Variants in MCUR1 observed in about 807,000 individuals in gnomAD.
MCUR1 encodes the protein MCU regulator 1.
Under a neutral mutation model 42.0 loss-of-function variants are expected in MCUR1, and 37 were observed. The observed-to-expected ratio is 0.88, with a 90% CI of 0.68 to 1.16. The LOEUF (loss-of-function observed/expected upper bound fraction) is 1.16, where lower values mean the gene tolerates loss of function less well. Among genes scored for constraint, MCUR1 ranks in the 50% most tolerant of loss-of-function variants. MCUR1 has a pLI of 0.00. For synonymous variants in MCUR1, 229 were observed against 196.2 expected (o/e 1.17, Z -1.40); for missense variants, 469 against 468.4 (o/e 1.00, Z -0.01).
At chr6:13,803,187 G>C (rs1760030758) in intron 2 of MCUR1, among the ~76,000 whole-genome samples, 2 of 152,094 alleles carry the variant, frequency 1.3e-5, no homozygotes, top group South Asian at 4.1e-4. Flanking sequence ...TCAGACTCCG[G>C]AGTAGCTGGA....
chr6:13,813,522 T>C (rs1177889387), intron 1 of MCUR1, among the ~76,000 whole-genome samples: 2 of 152,182 alleles, frequency 1.3e-5, no homozygotes, highest in African/African-American at 4.8e-5. Context: ...CTGATATATC[T>C]CACACATCTA....
chr6:13,808,102 T>C (rs1395906308), intron 1 of MCUR1, among the ~76,000 whole-genome samples: 1 of 152,044 alleles, frequency 6.6e-6, no homozygotes, highest in Non-Finnish European at 1.5e-5. Context: ...ATCCTGGGGG[T>C]AGGTTTCTGA....
intron 1 of MCUR1, among the ~76,000 whole-genome samples, chr6:13,809,480 C>T (rs1191026498): frequency 6.6e-6 from 1 of 152,082 alleles, no homozygotes; most frequent in Admixed American, 6.5e-5. Flanking sequence ...AGTTTTTGTG[C>T]ATTTAGCCAC....
chr6:13,792,518 C>G (rs1164193334), intron 7 of MCUR1, among the ~76,000 whole-genome samples: 3 of 152,188 alleles, frequency 2.0e-5, no homozygotes, highest in Non-Finnish European at 4.4e-5. Context: ...TTTCTTCTTT[C>G]ATGTTCAAAT....
chr6:13,793,321 T>A (rs66520959), intron 7 of MCUR1, among the ~76,000 whole-genome samples: 24,348 of 151,996 alleles, frequency 0.16, 2,343 homozygotes, highest in East Asian at 0.36. Flanking sequence ...TGTGCACCCA[T>A]GCCCACAGCA....
At position 13,790,751 on chromosome 6, in the gene MCUR1, C is replaced by G. The variant is rs1164017518; in HGVS notation, c.*58G>C. On this transcript the variant is annotated 3_prime_UTR_variant, in exon 9 of 9. Transcript: ENST00000379170. ...TACAGGTGTGAGCCACCGCACCCAG[C>G]CAACAATCTGGTATTCTTAAGGCAA... 7.0e-7 allele frequency: 1 copy of G among 1,419,734 alleles called. No individual in the cohort carries two copies. The highest frequency in any genetic ancestry group is 1.4e-5 in the African/African-American group (1 of 70,166). The allele number at this position is 1,419,734 out of a possible 1,614,324, so 87.9% of individuals were successfully genotyped here.
At chr6:13,798,295 C>T (rs1041526084) in intron 6 of MCUR1, among the ~76,000 whole-genome samples, 5 of 151,924 alleles carry the variant, frequency 3.3e-5, no homozygotes, top group South Asian at 2.1e-4. Context: ...CAGGGTTTCA[C>T]CATGTTGGGC....
intron 2 of MCUR1, among the ~76,000 whole-genome samples, chr6:13,805,185 TCTCA>T (rs956225854): frequency 5.3e-5 from 8 of 151,100 alleles, no homozygotes; most frequent in African/African-American, 1.7e-4. Flanking sequence ...AGAGTCAGGC[TCTCA>T]CTATGTTGCA....
intron 5 of MCUR1, 131 bp downstream of exon 5, chr6:13,800,210 T>C (rs1419265628): frequency 4.8e-6 from 3 of 620,190 alleles, no homozygotes; most frequent in Non-Finnish European, 8.4e-6. Context: ...TTCCAATGTG[T>C]ACTTTTGAGG....
chr6:13,803,709 A>C (rs1226181056), intron 2 of MCUR1: 20 of 972,690 alleles, frequency 2.1e-5, no homozygotes, highest in African/African-American at 3.5e-5. Flanking sequence ...GTCTAGAAAA[A>C]AAATACAAAA....
intron 2 of MCUR1, among the ~76,000 whole-genome samples, chr6:13,803,307 C>T (rs1271404518): frequency 2.0e-5 from 3 of 152,218 alleles, no homozygotes; most frequent in East Asian, 1.9e-4. Context: ...GTGATCTGCC[C>T]GCCTTGGCCT....
chr6:13,814,313 G>A lies in MCUR1; in HGVS notation c.117C>T (p.Arg39=), dbSNP rs892522567. ...CGTCGGAGAGCGCAGAGAGGCAGCG[G>A]CGTGCTGAGGTTTCGCTGCCGCCCG... The part of the protein sequence containing the change: ...GRPGGSETSA[R]RCLSALSDGL... The change falls in exon 1 of 9, where the codon CGC becomes CGT. Residue 39 remains arginine, a synonymous_variant. Transcript: ENST00000379170. 6.6e-7 allele frequency: 1 copy of A among 1,505,480 alleles called. No homozygotes were observed. The highest frequency in any genetic ancestry group is 1.4e-5 in the African/African-American group (1 of 69,374). 93.3% of individuals were successfully genotyped at this position (1,505,480 alleles called of 1,614,324 possible).
chr6:13,814,502 C>G lies in MCUR1; in HGVS notation c.-73G>C. On this transcript the variant is annotated 5_prime_UTR_variant, in exon 1 of 9. Transcript: ENST00000379170. Reference sequence around the variant, plus strand: ...TGGCGCCGGCCACGCGCGGTCCAGGCCCAGAGTCCGACAGCGGGAGCGAGC... The same window carrying G: ...TGGCGCCGGCCACGCGCGGTCCAGGGCCAGAGTCCGACAGCGGGAGCGAGC... 2 of 1,351,350 alleles carry G rather than the reference C, an allele frequency of 1.5e-6. No homozygotes were observed. The highest frequency in any genetic ancestry group is 3.1e-5 in the East Asian group (1 of 32,066). The allele number at this position is 1,351,350 out of a possible 1,614,324, so 83.7% of individuals were successfully genotyped here.
At chr6:13,806,882 A>G in intron 2 of MCUR1, 43 bp downstream of exon 2, 1 of 1,530,684 alleles carries the variant, frequency 6.5e-7, no homozygotes, top group South Asian at 1.2e-5. Flanking sequence ...CATAATTTAA[A>G]GTGTTTTTCT....
At chr6:13,800,519 C>T in intron 4 of MCUR1, 137 bp from the exon 5 acceptor site, 1 of 568,432 alleles carries the variant, frequency 1.8e-6, no homozygotes, top group East Asian at 3.0e-5. Flanking sequence ...TGCAGAATGG[C>T]ATTACAACAC....
At chr6:13,810,306 A>G (rs1760205100) in intron 1 of MCUR1, among the ~76,000 whole-genome samples, 1 of 152,210 alleles carries the variant, frequency 6.6e-6, no homozygotes. Flanking sequence ...ACTACTATTA[A>G]ATATTGTACT....
intron 2 of MCUR1, 151 bp from the exon 3 acceptor site, chr6:13,802,497 C>T (rs1303447575): frequency 1.4e-5 from 8 of 565,642 alleles, no homozygotes; most frequent in East Asian, 6.2e-5. Context: ...CAAACTATGA[C>T]GTGCCGGTCA....
At chr6:13,793,022 G>C (rs555261998) in intron 7 of MCUR1, among the ~76,000 whole-genome samples, 1 of 150,716 alleles carries the variant, frequency 6.6e-6, no homozygotes, top group Non-Finnish European at 1.5e-5. Flanking sequence ...GGTGGTGTGA[G>C]CCTGTGGTCC....
rs1056802509 is a variant in MCUR1 at position 13,799,892 on chromosome 6, C to T, written c.783+449G>A. Among the ~76,000 whole-genome samples the T allele has an allele frequency of 8.5e-5, 12 of 140,992 alleles. No individual in the cohort carries two copies. In the East Asian group the frequency reaches 1.7e-3, roughly 19 times the overall value. The allele number at this position is 140,992 out of a possible 152,430, so 92.5% of individuals were successfully genotyped here. A position where few individuals can be genotyped will look rare whatever the true frequency, so the allele number is the denominator to read the frequency against. ...TGTTACCACGGCTGGAGTGCAATGG[C>T]GCAATCTCGGCTCACTGCAACCTCT... is the stretch of plus-strand genomic sequence containing the variant. On this transcript the variant is annotated intron_variant, in intron 5 of 8. Transcript: ENST00000379170.
Sources: gnomAD v4.1 joint callset for allele counts (sites outside exome capture counted in the v4.1 genomes callset) on GRCh38, gnomAD v4.1.1 for gene constraint, MANE v1.5 for transcripts, NCBI Gene and HGNC (gene_info 2026-07-23, HGNC 2026-07-21) for gene names.